GRIP1: variants seen among roughly 807,000 people sequenced by gnomAD.
GRIP1 encodes glutamate receptor interacting protein 1.
In GRIP1, 45 loss-of-function variants were observed where a neutral mutation model predicts 129.9. The ratio of observed to expected loss-of-function variants is 0.35; its 90% CI spans 0.27 to 0.44. GRIP1 has a LOEUF of 0.44. GRIP1 is among the 20% of genes least tolerant of loss of function. The probability of loss-of-function intolerance (pLI) is 1.00; values close to 1 mark genes in which losing one functional copy is unlikely to be tolerated. For synonymous variants in GRIP1, 530 were observed against 520.8 expected (o/e 1.02, Z -0.24); for missense variants, 1,196 against 1,396.8 (o/e 0.86, Z 2.29).
chr12:66,992,125 T>G (rs950565981), intron 1 of GRIP1, among the ~76,000 whole-genome samples: 2 of 152,174 alleles, frequency 1.3e-5, no homozygotes, highest in Admixed American at 1.3e-4. Flanking sequence ...GGCTATAGCC[T>G]CCAAATGCAG....
chr12:67,001,971 C>T (rs1489074910), intron 1 of GRIP1, among the ~76,000 whole-genome samples: 32 of 151,850 alleles, frequency 2.1e-4, no homozygotes, highest in Admixed American at 2.1e-3. Context: ...AGTATGTTCA[C>T]CCAGATGTAA....
At chr12:66,422,086 A>C (rs960042604) in intron 14 of GRIP1, among the ~76,000 whole-genome samples, 1 of 152,172 alleles carries the variant, frequency 6.6e-6, no homozygotes, top group Non-Finnish European at 1.5e-5. Flanking sequence ...TTTTATTATA[A>C]ACAGTCTGAT....
upstream of GRIP1, among the ~76,000 whole-genome samples, chr12:66,804,818 C>A (rs1037637269): frequency 6.6e-6 from 1 of 152,168 alleles, no homozygotes; most frequent in African/African-American, 2.4e-5. Context: ...TTTGTGCTCC[C>A]TTGCATATCA....
At chr12:66,904,677 G>A (rs1566072540) in intron 1 of GRIP1, among the ~76,000 whole-genome samples, 1 of 152,138 alleles carries the variant, frequency 6.6e-6, no homozygotes, top group Non-Finnish European at 1.5e-5. Flanking sequence ...CGGATCAAGA[G>A]GTCAAGAGAT....
chr12:67,060,800 G>A (rs531141272), intron 1 of GRIP1, among the ~76,000 whole-genome samples: 16 of 147,500 alleles, frequency 1.1e-4, no homozygotes, highest in African/African-American at 4.0e-4. Flanking sequence ...CTCCAGCCTG[G>A]GCAACAAGAA....
intron 1 of GRIP1, among the ~76,000 whole-genome samples, chr12:66,912,232 C>A (rs1256936451): frequency 6.6e-6 from 1 of 152,012 alleles, no homozygotes; most frequent in East Asian, 1.9e-4. Context: ...GCTCTGAAGG[C>A]CAGTGTGAAA....
At chr12:66,653,661 A>T (rs2032956180) in intron 1 of GRIP1, among the ~76,000 whole-genome samples, 1 of 152,244 alleles carries the variant, frequency 6.6e-6, no homozygotes, top group South Asian at 2.1e-4. Flanking sequence ...AGCATTTGGC[A>T]GATGCACTGT....
chr12:66,975,111 T>C (rs892614468), intron 1 of GRIP1, among the ~76,000 whole-genome samples: 1 of 152,160 alleles, frequency 6.6e-6, no homozygotes, highest in African/African-American at 2.4e-5. Flanking sequence ...TAGGTATTGA[T>C]AGCTGTTCCA....
At chr12:66,828,814 G>T (rs549899357) in intron 1 of GRIP1, among the ~76,000 whole-genome samples, 2 of 152,218 alleles carry the variant, frequency 1.3e-5, no homozygotes, top group Admixed American at 6.5e-5. Flanking sequence ...TCATTTGCTT[G>T]ATGAGAATCT....
At chr12:66,353,167 T>C (rs1021827750) in intron 24 of GRIP1, among the ~76,000 whole-genome samples, 12 of 152,012 alleles carry the variant, frequency 7.9e-5, no homozygotes, top group East Asian at 3.9e-4. Context: ...ATCTGTGAGA[T>C]TGGGAAAGAT....
chr12:66,904,146 G>A (rs969726177), intron 1 of GRIP1, among the ~76,000 whole-genome samples: 6 of 152,208 alleles, frequency 3.9e-5, no homozygotes, highest in Non-Finnish European at 5.9e-5. Flanking sequence ...ACTGTAATGT[G>A]CCACTAGAAA....
chr12:66,835,004 G>A (rs2137030353), intron 1 of GRIP1, among the ~76,000 whole-genome samples: 1 of 151,796 alleles, frequency 6.6e-6, no homozygotes, highest in East Asian at 1.9e-4. Flanking sequence ...AAAAATTTCT[G>A]TTCTGAGAAA....
At chr12:66,817,241 CACAT>C (rs139471200) in intron 1 of GRIP1, among the ~76,000 whole-genome samples, 3,481 of 137,266 alleles carry the variant, frequency 0.025, 50 homozygotes, top group Non-Finnish European at 0.04. Context: ...CACACACACA[CACAT>C]ATATATTTCC....
At chr12:66,880,594 G>A (rs2040461669) in intron 1 of GRIP1, among the ~76,000 whole-genome samples, 1 of 151,998 alleles carries the variant, frequency 6.6e-6, no homozygotes, top group South Asian at 2.1e-4. Flanking sequence ...AGGATTCAAT[G>A]GCTAGTACTA....
intron 1 of GRIP1, among the ~76,000 whole-genome samples, chr12:66,735,693 C>T (rs1412926638): frequency 6.6e-6 from 1 of 152,042 alleles, no homozygotes; most frequent in African/African-American, 2.4e-5. Context: ...AGTAAGGTGT[C>T]AGGGGAAAGA....
intron 23 of GRIP1, among the ~76,000 whole-genome samples, chr12:66,360,196 C>T (rs1194624509): frequency 1.4e-5 from 2 of 146,446 alleles, no homozygotes; most frequent in East Asian, 2.0e-4. Context: ...TTTTTTTCGA[C>T]ATGTAATCTC....
At chr12:66,567,290 C>T (rs1217124083) in intron 2 of GRIP1, among the ~76,000 whole-genome samples, 1 of 152,174 alleles carries the variant, frequency 6.6e-6, no homozygotes, top group Non-Finnish European at 1.5e-5. Context: ...CTGAACACTG[C>T]TTTAAATGTC....
upstream of GRIP1, among the ~76,000 whole-genome samples, chr12:66,807,363 A>C (rs977793065): frequency 2.0e-5 from 3 of 151,920 alleles, no homozygotes; most frequent in African/African-American, 4.8e-5. Context: ...TTCTCATGAG[A>C]TGTGGCCCGT....
chr12:67,037,585 C>T (rs2135799414), intron 1 of GRIP1: 1 of 152,080 alleles, frequency 6.6e-6, no homozygotes, highest in East Asian at 1.9e-4. Context: ...GTTCATCATA[C>T]TGAAGCAAAA....
Sources: gnomAD v4.1 joint callset for allele counts (sites outside exome capture counted in the v4.1 genomes callset) on GRCh38, gnomAD v4.1.1 for gene constraint, MANE v1.5 for transcripts, NCBI Gene and HGNC (gene_info 2026-07-23, HGNC 2026-07-21) for gene names.